Variants in FLRT1 observed in about 807,000 individuals in gnomAD.
FLRT1 encodes the protein leucine-rich repeat transmembrane protein FLRT1.
A neutral mutation model predicts 30.9 loss-of-function variants in FLRT1; 14 were observed. That is an observed-to-expected ratio of 0.45 (90% CI 0.30 to 0.71). The LOEUF (loss-of-function observed/expected upper bound fraction) is 0.71, where lower values mean the gene tolerates loss of function less well. FLRT1 is among the 30% of genes least tolerant of loss of function. FLRT1 has a pLI of 0.08. For synonymous variants in FLRT1, 368 were observed against 430.4 expected, an observed-to-expected ratio of 0.85 and a Z score of 1.80; for missense variants, 737 against 949.2, an observed-to-expected ratio of 0.78 and a Z score of 2.94.
chr11:64,084,070 T>C (rs1003995129), intron 1 of FLRT1, among the ~76,000 whole-genome samples: 7 of 152,170 alleles, frequency 4.6e-5, no homozygotes, highest in African/African-American at 1.7e-4. Flanking sequence ...GTTTCCATAG[T>C]GTGTCCCTGC....
At chr11:64,105,086 G>A (rs895072424) in intron 2 of FLRT1, among the ~76,000 whole-genome samples, 2 of 152,246 alleles carry the variant, frequency 1.3e-5, no homozygotes, top group East Asian at 1.9e-4. Flanking sequence ...TGCCATCTGC[G>A]GGGGCATTAA....
intron 1 of FLRT1, among the ~76,000 whole-genome samples, chr11:64,051,087 T>C (rs1293698635): frequency 6.6e-6 from 1 of 152,190 alleles, no homozygotes. Context: ...GGAGGAGAGA[T>C]TCACTCCATG....
At chr11:64,072,273 C>T (rs1020465252) in intron 1 of FLRT1, among the ~76,000 whole-genome samples, 1 of 152,130 alleles carries the variant, frequency 6.6e-6, no homozygotes, top group Non-Finnish European at 1.5e-5. Flanking sequence ...AGGGGTGATG[C>T]CGGCCCTGGA....
At chr11:64,095,129 T>A (rs1311640557) in intron 1 of FLRT1, among the ~76,000 whole-genome samples, 1 of 152,228 alleles carries the variant, frequency 6.6e-6, no homozygotes, top group Non-Finnish European at 1.5e-5. Flanking sequence ...GCCAGGCGTC[T>A]GCAAAGATGG....
At position 64,090,393 on chromosome 11, in the gene FLRT1, G is replaced by A. The variant is rs918630154; in HGVS notation, c.-1037-12801G>A. Reference sequence around the variant, plus strand: ...TCAGGCAGCAGGGCACAATTACTGAGCCTGGTGCTTTATTTCCTCAACTCA... The same window carrying A: ...TCAGGCAGCAGGGCACAATTACTGAACCTGGTGCTTTATTTCCTCAACTCA... On this transcript the variant is annotated intron_variant, in intron 1 of 2. Coordinates refer to ENST00000682287, the MANE Select transcript of FLRT1 (RefSeq NM_013280.5). This position sits in a 1 kb window ranked among gnomAD's most constrained non-coding sequence, Gnocchi z 4.7. Among the ~76,000 whole-genome samples, 1 of 152,220 alleles carries A rather than the reference G, an allele frequency of 6.6e-6. No individual in the cohort carries two copies. The highest frequency in any genetic ancestry group is 2.4e-5 in the African/African-American group (1 of 41,442).
Position 64,068,089 on chromosome 11 carries a change from C to T in FLRT1, c.-1038+31930C>T, listed in dbSNP as rs1184807452. On this transcript the variant is annotated intron_variant, in intron 1 of 2. Transcript: ENST00000682287. ...AAATGATTCTCAAACCGGAGCCGGG[C>T]GAAGTTGAAGTAAAATTAAGAAAGT... 2.6e-5 allele frequency among the ~76,000 whole-genome samples: 4 copies of T among 152,268 alleles called. No individual in the cohort carries two copies. The South Asian group carries it at 6.2e-4, about 24-fold the overall frequency.
At chr11:64,039,351 C>T (rs1943442114) in intron 1 of FLRT1, among the ~76,000 whole-genome samples, 1 of 152,134 alleles carries the variant, frequency 6.6e-6, no homozygotes, top group South Asian at 2.1e-4. Context: ...TCTGGGAGGC[C>T]CAGGCCCCAG....
At chr11:64,072,911 G>A (rs1436401075) in intron 1 of FLRT1, among the ~76,000 whole-genome samples, 1 of 152,184 alleles carries the variant, frequency 6.6e-6, no homozygotes, top group East Asian at 1.9e-4. Context: ...TCTCAAAAGA[G>A]TCAGGTTCTC....
At chr11:64,075,776 G>A (rs1263130393) in intron 1 of FLRT1, among the ~76,000 whole-genome samples, 1 of 152,224 alleles carries the variant, frequency 6.6e-6, no homozygotes, top group Non-Finnish European at 1.5e-5. Flanking sequence ...AGGTTCAAGG[G>A]ATTCTCCTGC....
chr11:64,037,701 G>T (rs1164221143), intron 1 of FLRT1, among the ~76,000 whole-genome samples: 1 of 152,106 alleles, frequency 6.6e-6, no homozygotes, highest in Non-Finnish European at 1.5e-5. Context: ...ACAGAGACTG[G>T]ATACTCTTCA....
chr11:64,112,923 A>G (rs1006079955), intron 2 of FLRT1, among the ~76,000 whole-genome samples: 1 of 152,252 alleles, frequency 6.6e-6, no homozygotes, highest in Non-Finnish European at 1.5e-5. Context: ...GACATTCACC[A>G]CGGCAGGGCC....
At chr11:64,099,307 C>T (rs1017251903) in intron 1 of FLRT1, among the ~76,000 whole-genome samples, 6 of 152,264 alleles carry the variant, frequency 3.9e-5, no homozygotes, top group Non-Finnish European at 8.8e-5. Flanking sequence ...CCTCTGAAAA[C>T]CAATGCCCTC....
intron 1 of FLRT1, among the ~76,000 whole-genome samples, chr11:64,039,137 G>C (rs1459293290): frequency 6.6e-6 from 1 of 152,208 alleles, no homozygotes; most frequent in African/African-American, 2.4e-5. Flanking sequence ...GGGGCAGTGG[G>C]AAATGCCCCA....
chr11:64,099,672 A>G (rs1050558490), intron 1 of FLRT1, among the ~76,000 whole-genome samples: 2 of 151,252 alleles, frequency 1.3e-5, no homozygotes, highest in Non-Finnish European at 2.9e-5. Flanking sequence ...GAGTGGATAG[A>G]TTGATGGAGG....
intron 2 of FLRT1, among the ~76,000 whole-genome samples, chr11:64,110,055 T>G (rs1271121316): frequency 6.6e-6 from 1 of 152,084 alleles, no homozygotes; most frequent in Non-Finnish European, 1.5e-5. Context: ...ATAATGTCAG[T>G]GAATCCTGAA....
chr11:64,054,804 C>T (rs569651600), intron 1 of FLRT1, among the ~76,000 whole-genome samples: 1 of 152,246 alleles, frequency 6.6e-6, no homozygotes, highest in East Asian at 1.9e-4. Flanking sequence ...CTCATCTTGT[C>T]TCCTCAAGTG....
At chr11:64,042,088 C>T (rs972763203) in intron 1 of FLRT1, among the ~76,000 whole-genome samples, 1 of 152,094 alleles carries the variant, frequency 6.6e-6, no homozygotes, top group Non-Finnish European at 1.5e-5. Flanking sequence ...GGGAAGGTGG[C>T]GGTGGCCCAG....
intron 1 of FLRT1, among the ~76,000 whole-genome samples, chr11:64,045,282 A>G (rs1943562923): frequency 6.6e-6 from 1 of 152,222 alleles, no homozygotes; most frequent in African/African-American, 2.4e-5. Flanking sequence ...GTCACAGAGC[A>G]ATCTCCATTA....
rs1461483401 is a variant in FLRT1, at chr11:64,067,233, C to G, written c.-1038+31074C>G. On this transcript the variant is annotated intron_variant, in intron 1 of 2. Transcript: ENST00000682287. The surrounding 1 kb of genome is among the most constrained non-coding windows in gnomAD (Gnocchi z 4.6). ...ATGGGAGGGGTGGGGAGAGGCCTTGCATGGCACCCACTCCCACCTGTGCGG... is the reference window on the plus strand; with the variant it reads ...ATGGGAGGGGTGGGGAGAGGCCTTGGATGGCACCCACTCCCACCTGTGCGG... 6.6e-6 allele frequency among the ~76,000 whole-genome samples: 1 copy of G among 152,106 alleles called. No individual in the cohort carries two copies. Among genetic ancestry groups the G allele is most frequent in the South Asian group, 2.1e-4 (1 of 4,828 alleles).
Sources: allele counts gnomAD v4.1 joint callset (sites outside exome capture counted in the v4.1 genomes callset), GRCh38; gene constraint gnomAD v4.1.1; non-coding constraint Gnocchi (gnomAD v3.1); transcripts MANE v1.5; gene names NCBI Gene and HGNC (gene_info 2026-07-23, HGNC 2026-07-21).